The following VCF1 variants were observed in gnomAD, a reference collection of about 807,000 sequenced individuals.
VCF1 encodes the protein VCP nuclear cofactor family member 1.
At chr17:73,230,735 G>A in the VCF1 span, among the ~76,000 whole-genome samples, 2 of 152,208 alleles carry the variant, frequency 1.3e-5, no homozygotes, top group African/African-American at 2.4e-5. Flanking sequence ...AGCTGGCAGA[G>A]CTGGCCCATC....
At chr17:73,222,284 T>C in the VCF1 span, among the ~76,000 whole-genome samples, 9 of 151,800 alleles carry the variant, frequency 5.9e-5, no homozygotes, top group African/African-American at 2.2e-4. Flanking sequence ...TCCAAGTTAC[T>C]GGAGTTAAAA....
chr17:73,221,269 T>C, the VCF1 span, among the ~76,000 whole-genome samples: 1 of 151,538 alleles, frequency 6.6e-6, no homozygotes, highest in South Asian at 2.1e-4. Flanking sequence ...GTAGAAGCAC[T>C]TTTTACAAGG....
chr17:73,232,387 G>A, the VCF1 span: 2 of 1,408,640 alleles, frequency 1.4e-6, no homozygotes, highest in Non-Finnish European at 1.9e-6. Flanking sequence ...CCCCGCCCAC[G>A]GGAAGAGGCG....
chr17:73,229,434 T>C, the VCF1 span: 1 of 985,490 alleles, frequency 1.0e-6, no homozygotes, highest in Non-Finnish European at 1.2e-6. Context: ...TAACTGATTA[T>C]ATTCTTCCCT....
the VCF1 span, chr17:73,232,124 G>A: frequency 5.6e-6 from 9 of 1,610,140 alleles, no homozygotes; most frequent in Non-Finnish European, 7.6e-6. Flanking sequence ...CTGGCGGATG[G>A]AAGCTACGCG....
At chr17:73,226,148 ACCTT>A in the VCF1 span, among the ~76,000 whole-genome samples, 1 of 151,918 alleles carries the variant, frequency 6.6e-6, no homozygotes, top group African/African-American at 2.4e-5. Flanking sequence ...TGATCTGCCC[ACCTT>A]GGCCTACCAA....
chr17:73,223,954 T>G, the VCF1 span, among the ~76,000 whole-genome samples: 1 of 150,288 alleles, frequency 6.7e-6, no homozygotes, highest in Non-Finnish European at 1.5e-5. Flanking sequence ...GCACTCAGCT[T>G]GGGCAACAGA....
the VCF1 span, among the ~76,000 whole-genome samples, chr17:73,214,251 G>A: frequency 6.6e-6 from 1 of 150,568 alleles, no homozygotes; most frequent in South Asian, 2.1e-4. Context: ...ACAATCTATA[G>A]ATGGACCAGG....
At chr17:73,208,476 T>G in the VCF1 span, 1 of 1,611,774 alleles carries the variant, frequency 6.2e-7, no homozygotes, top group South Asian at 1.1e-5. Context: ...TGTCTCTCCC[T>G]AAATAAATAC....
At chr17:73,208,457 C>T in the VCF1 span, 30 of 1,613,710 alleles carry the variant, frequency 1.9e-5, no homozygotes, top group East Asian at 6.7e-4. Context: ...AGTAACATGG[C>T]AACACATCTG....
At chr17:73,211,386 T>C in the VCF1 span, among the ~76,000 whole-genome samples, 21 of 152,020 alleles carry the variant, frequency 1.4e-4, no homozygotes, top group Non-Finnish European at 2.1e-4. Flanking sequence ...CTAGCCAACA[T>C]AGTGAAACCC....
the VCF1 span, among the ~76,000 whole-genome samples, chr17:73,224,980 CACAGCACAGCACAGG>C: frequency 4.4e-5 from 2 of 45,076 alleles, no homozygotes; most frequent in South Asian, 6.2e-4. Context: ...CACAGCACAG[CACAGCACAGCACAGG>C]ACAGGACAGG....
chr17:73,222,712 G>A, the VCF1 span, among the ~76,000 whole-genome samples: 1 of 151,382 alleles, frequency 6.6e-6, no homozygotes, highest in Non-Finnish European at 1.5e-5. Context: ...GGGAGGTGGA[G>A]GTTGCAGTGA....
At chr17:73,212,777 TAA>T in the VCF1 span, 4 of 1,480,134 alleles carry the variant, frequency 2.7e-6, no homozygotes, top group Non-Finnish European at 3.7e-6. Context: ...CAGTTTCTAG[TAA>T]GTCAAGTTTT....
chr17:73,210,202 G>A, the VCF1 span, among the ~76,000 whole-genome samples: 1 of 152,168 alleles, frequency 6.6e-6, no homozygotes, highest in Non-Finnish European at 1.5e-5. Context: ...CAAATAAGAT[G>A]GCTTCTGGGT....
At chr17:73,229,211 G>A in the VCF1 span, 5 of 985,430 alleles carry the variant, frequency 5.1e-6, no homozygotes, top group African/African-American at 7.0e-5. Flanking sequence ...TCCTCTGGAT[G>A]GTACCAGATT....
At chr17:73,211,453 C>T in the VCF1 span, among the ~76,000 whole-genome samples, 1 of 151,996 alleles carries the variant, frequency 6.6e-6, no homozygotes. Context: ...GCTGTAATCC[C>T]AGCTACTAGG....
chr17:73,225,882 A>AATATAT, the VCF1 span, among the ~76,000 whole-genome samples: 8 of 74,716 alleles, frequency 1.1e-4, no homozygotes, highest in East Asian at 1.2e-3. Context: ...ATATATATAT[A>AATATAT]ATATATATAT....
At chr17:73,222,261 A>G in the VCF1 span, among the ~76,000 whole-genome samples, 3 of 151,920 alleles carry the variant, frequency 2.0e-5, no homozygotes, top group Non-Finnish European at 4.4e-5. Flanking sequence ...TCTAAGGCTC[A>G]TAAGTCATTA....
Sources: allele counts gnomAD v4.1 joint callset (sites outside exome capture counted in the v4.1 genomes callset), GRCh38; gene constraint gnomAD v4.1.1; transcripts MANE v1.5; gene names NCBI Gene and HGNC (gene_info 2026-07-23, HGNC 2026-07-21).